Variants in HPSE2 observed in about 807,000 individuals in gnomAD.
HPSE2 encodes the protein heparanase 2 (inactive).
Under a neutral mutation model 60.5 loss-of-function variants are expected in HPSE2, and 38 were observed. That is an observed-to-expected ratio of 0.63 (90% confidence interval 0.48 to 0.82). The LOEUF is 0.82. Among genes scored for constraint, HPSE2 ranks in the 40% least tolerant of loss-of-function variants. The pLI, the probability that HPSE2 is intolerant of heterozygous loss-of-function variation, is 0.00. For synonymous variants in HPSE2, 295 were observed against 293.2 expected (o/e 1.01, Z -0.06); for missense variants, 713 against 740.4 (o/e 0.96, Z 0.43).
At chr10:99,187,548 A>G (rs1209118728) in intron 2 of HPSE2, among the ~76,000 whole-genome samples, 1 of 152,222 alleles carries the variant, frequency 6.6e-6, no homozygotes, top group Non-Finnish European at 1.5e-5. Context: ...GTTCAATAAT[A>G]GGACCAACAA....
At chr10:98,631,406 TGAGA>T (rs1946361541) in intron 7 of HPSE2, among the ~76,000 whole-genome samples, 2 of 152,298 alleles carry the variant, frequency 1.3e-5, no homozygotes, top group Admixed American at 1.3e-4. Flanking sequence ...TAAGTGCTAG[TGAGA>T]GAGAGATTGG....
At chr10:98,860,567 C>T (rs1417035969) in intron 3 of HPSE2, among the ~76,000 whole-genome samples, 4 of 152,086 alleles carry the variant, frequency 2.6e-5, no homozygotes, top group Admixed American at 2.6e-4. Context: ...TATTAATATG[C>T]CCATTTACAG....
intron 3 of HPSE2, among the ~76,000 whole-genome samples, chr10:98,822,670 A>G (rs942322388): frequency 6.6e-6 from 1 of 152,224 alleles, no homozygotes; most frequent in Non-Finnish European, 1.5e-5. Context: ...TGTTACTGAA[A>G]AAGAGGCCAA....
intron 7 of HPSE2, among the ~76,000 whole-genome samples, chr10:98,623,638 C>T (rs768376353): frequency 1.3e-5 from 2 of 152,114 alleles, no homozygotes; most frequent in Non-Finnish European, 2.9e-5. Flanking sequence ...AGTTGTGACA[C>T]TTGTAGCAGT....
At chr10:99,220,727 C>T (rs1440153456) in intron 2 of HPSE2, among the ~76,000 whole-genome samples, 2 of 150,088 alleles carry the variant, frequency 1.3e-5, no homozygotes, top group African/African-American at 4.9e-5. Flanking sequence ...CTCTTGAACC[C>T]GGGAGGTGGA....
rs142767233 is a variant in HPSE2, at chr10:98,623,894, C to A, written c.1099-3186G>T. 1.3e-3 allele frequency among the ~76,000 whole-genome samples: 197 copies of A among 151,984 alleles called. 1 individual carries two copies. The highest frequency in any genetic ancestry group is 4.6e-3 in the African/African-American group (192 of 41,482). The stretch of plus-strand genomic sequence containing the variant: ...AGTTGGTCATCTCAGAAACAAAGAT[C>A]TGGGCTGGAGGAAAACGCTGAGAAA... On this transcript the variant is annotated intron_variant, in intron 7 of 11. Transcript: ENST00000370552.
chr10:99,196,802 G>T (rs1848415514), intron 2 of HPSE2, among the ~76,000 whole-genome samples: 1 of 152,150 alleles, frequency 6.6e-6, no homozygotes, highest in Non-Finnish European at 1.5e-5. Context: ...CTATGGAGAA[G>T]AGTTTAGAGG....
intron 9 of HPSE2, among the ~76,000 whole-genome samples, chr10:98,599,257 C>A (rs1945330948): frequency 6.2e-5 from 2 of 32,146 alleles, no homozygotes; most frequent in African/African-American, 1.0e-4. Flanking sequence ...AGCCTGAGGC[C>A]ACAGGAGCTG....
At chr10:99,223,611 T>C (rs1215831070) in intron 2 of HPSE2, among the ~76,000 whole-genome samples, 1 of 152,224 alleles carries the variant, frequency 6.6e-6, no homozygotes, top group Non-Finnish European at 1.5e-5. Context: ...TATTTAGGTT[T>C]GTAAATAACA....
chr10:99,166,916 C>T (rs887629906), intron 2 of HPSE2, among the ~76,000 whole-genome samples: 3 of 150,250 alleles, frequency 2.0e-5, no homozygotes, highest in African/African-American at 7.3e-5. Flanking sequence ...TTTCACAGAC[C>T]AAAATTTTTT....
chr10:98,516,441 G>A (rs1341216287), intron 9 of HPSE2, among the ~76,000 whole-genome samples: 1 of 152,144 alleles, frequency 6.6e-6, no homozygotes, highest in Non-Finnish European at 1.5e-5. Flanking sequence ...AAAAAACGTT[G>A]CCAGAATTAA....
rs186426325 is a variant in HPSE2 at position 98,768,016 on chromosome 10, A to G, written c.611-23960T>C. 2.6e-3 allele frequency among the ~76,000 whole-genome samples: 400 copies of G among 151,504 alleles called. 6 individuals are homozygous for G. Among genetic ancestry groups the G allele is most frequent in the African/African-American group, 9.1e-3 (378 of 41,452 alleles). The stretch of plus-strand genomic sequence containing the variant: ...GTTTATATAGTATAAGTAAAATAAA[A>G]CAAAGGGAAATGTAAATTAAAAATT... On this transcript the variant is annotated intron_variant, in intron 3 of 11. Coordinates refer to ENST00000370552, the MANE Select transcript of HPSE2 (RefSeq NM_021828.5).
intron 11 of HPSE2, among the ~76,000 whole-genome samples, chr10:98,476,913 G>A (rs1941046184): frequency 6.6e-6 from 1 of 152,192 alleles, no homozygotes; most frequent in East Asian, 1.9e-4. Flanking sequence ...TATTCATTCT[G>A]TAAGGAGCCT....
intron 9 of HPSE2, among the ~76,000 whole-genome samples, chr10:98,582,011 T>C (rs779017787): frequency 2.0e-5 from 3 of 152,224 alleles, no homozygotes; most frequent in Non-Finnish European, 4.4e-5. Context: ...TGTGAGCTGT[T>C]TGACATTGTG....
At chr10:99,131,119 C>A (rs1257768041) in intron 3 of HPSE2, among the ~76,000 whole-genome samples, 1 of 152,104 alleles carries the variant, frequency 6.6e-6, no homozygotes, top group African/African-American at 2.4e-5. Flanking sequence ...ACAGAAAAAG[C>A]AGCTGAGGAA....
intron 9 of HPSE2, among the ~76,000 whole-genome samples, chr10:98,567,759 G>A (rs1359765501): frequency 1.3e-5 from 2 of 152,092 alleles, no homozygotes; most frequent in Non-Finnish European, 2.9e-5. Flanking sequence ...GTGTGTGTGT[G>A]TGTGTGTGTG....
intron 3 of HPSE2, among the ~76,000 whole-genome samples, chr10:98,814,812 T>G (rs1951247171): frequency 6.6e-6 from 1 of 152,222 alleles, no homozygotes. Flanking sequence ...TGTTTCTTAG[T>G]GCTATCTTTG....
At chr10:98,609,842 T>TTCTTC (rs1945700840) in intron 9 of HPSE2, among the ~76,000 whole-genome samples, 4 of 122,828 alleles carry the variant, frequency 3.3e-5, no homozygotes. Flanking sequence ...TCTTCTTCTT[T>TTCTTC]TTTTTTTTTT....
chr10:99,134,462 A>T (rs865965305), intron 3 of HPSE2, among the ~76,000 whole-genome samples: 1 of 152,212 alleles, frequency 6.6e-6, no homozygotes, highest in Non-Finnish European at 1.5e-5. Flanking sequence ...TGTTAAGCAC[A>T]GCCAGAGAGA....
Sources: allele counts gnomAD v4.1 joint callset (sites outside exome capture counted in the v4.1 genomes callset), GRCh38; gene constraint gnomAD v4.1.1; transcripts MANE v1.5; gene names NCBI Gene and HGNC (gene_info 2026-07-23, HGNC 2026-07-21).